CDS1: variants seen among roughly 807,000 people sequenced by gnomAD.
CDS1 encodes CDP-diacylglycerol synthase 1, also known as phosphatidate cytidylyltransferase 1.
A neutral mutation model predicts 62.1 loss-of-function variants in CDS1; 41 were observed. That is an observed-to-expected ratio of 0.66 (90% CI 0.51 to 0.86). CDS1 has a LOEUF of 0.86. Among genes scored for constraint, CDS1 ranks in the 40% least tolerant of loss-of-function variants. The pLI is 0.00. For synonymous variants in CDS1, 185 were observed against 192.6 expected (o/e 0.96, Z 0.32); for missense variants, 470 against 550.1 (o/e 0.85, Z 1.46).
rs140440202 is a variant in CDS1, at chr4:84,634,133, A to G, written c.722+194A>G. Reference sequence around the variant, plus strand: ...AATGCTTCATTAACAACTGGATACCATTCTTATTCAAGTTCCAAATATAGG... The same window carrying G: ...AATGCTTCATTAACAACTGGATACCGTTCTTATTCAAGTTCCAAATATAGG... On this transcript the variant is annotated intron_variant, in intron 7 of 12. Coordinates refer to ENST00000295887, the MANE Select transcript of CDS1 (RefSeq NM_001263.4). 2.6e-4 allele frequency among the ~76,000 whole-genome samples: 40 copies of G among 152,322 alleles called. 1 individual carries two copies. The East Asian group carries it at 7.5e-3, about 29-fold the overall frequency.
intron 8 of CDS1, among the ~76,000 whole-genome samples, chr4:84,637,933 A>G (rs968998413): frequency 1.3e-5 from 2 of 152,186 alleles, no homozygotes; most frequent in African/African-American, 4.8e-5. Context: ...CAGAATTGTT[A>G]TCAGATTTGT....
At position 84,649,578 on chromosome 4, in the gene CDS1, G is replaced by A. The variant is rs114716640; in HGVS notation, c.*892G>A. On this transcript the variant is annotated 3_prime_UTR_variant, in exon 13 of 13. Coordinates refer to ENST00000295887, the MANE Select transcript of CDS1 (RefSeq NM_001263.4). The stretch of plus-strand genomic sequence containing the variant: ...CCATGGTTCTGTAGGGTAGTGAGTC[G>A]GGGTTGTGGCTGCAGCAGAGCAGGA... 0.021 allele frequency: 3,145 copies of A among 152,450 alleles called. 61 individuals are homozygous for A. The highest frequency in any genetic ancestry group is 0.11 in the South Asian group (536 of 4,818). The allele number at this position is 152,450 out of a possible 1,614,324, so 9.4% of individuals were successfully genotyped here.
At chr4:84,613,947 T>C (rs1048440813) in intron 3 of CDS1, among the ~76,000 whole-genome samples, 2 of 152,160 alleles carry the variant, frequency 1.3e-5, no homozygotes, top group African/African-American at 4.8e-5. Context: ...CTTTGGAAAA[T>C]AGATAATTAA....
chr4:84,596,576 C>G (rs1178123743), intron 1 of CDS1, among the ~76,000 whole-genome samples: 4 of 152,198 alleles, frequency 2.6e-5, no homozygotes, highest in Admixed American at 2.6e-4. Context: ...TTAGACTCAC[C>G]TGTATAATCC....
chr4:84,595,294 G>A (rs751398696), intron 1 of CDS1, among the ~76,000 whole-genome samples: 14 of 152,260 alleles, frequency 9.2e-5, no homozygotes, highest in Admixed American at 3.3e-4. Flanking sequence ...CTGTCCTATC[G>A]TGGCTGGAAC....
intron 1 of CDS1, among the ~76,000 whole-genome samples, chr4:84,597,271 T>A (rs1722780349): frequency 6.6e-6 from 1 of 152,238 alleles, no homozygotes; most frequent in South Asian, 2.1e-4. Flanking sequence ...ATAAGGAGGC[T>A]TTATCAATTA....
At chr4:84,587,804 C>A (rs760839771) in intron 1 of CDS1, among the ~76,000 whole-genome samples, 2 of 152,032 alleles carry the variant, frequency 1.3e-5, no homozygotes, top group Non-Finnish European at 2.9e-5. Context: ...GCTTATATAC[C>A]ATCTTGAGGC....
intron 3 of CDS1, among the ~76,000 whole-genome samples, chr4:84,610,168 G>C (rs1242964527): frequency 1.3e-5 from 2 of 152,188 alleles, no homozygotes; most frequent in African/African-American, 2.4e-5. Context: ...TTCTATGATA[G>C]AACATGTTAG....
intron 5 of CDS1, 51 bp downstream of exon 5, chr4:84,619,584 T>C (rs1723611282): frequency 1.8e-6 from 2 of 1,087,446 alleles, no homozygotes; most frequent in Non-Finnish European, 2.5e-6. Context: ...ATTTTCCATG[T>C]TTATTTTTAT....
intron 1 of CDS1, among the ~76,000 whole-genome samples, chr4:84,583,774 T>C (rs975434619): frequency 1.3e-5 from 2 of 152,172 alleles, no homozygotes; most frequent in African/African-American, 4.8e-5. Flanking sequence ...GCTTACAGTT[T>C]AGCTTCATCC....
At chr4:84,635,621 GCCTGCCTTCCTT>G (rs1724168540) in intron 8 of CDS1, among the ~76,000 whole-genome samples, 48 of 84,740 alleles carry the variant, frequency 5.7e-4, no homozygotes, top group Admixed American at 7.5e-4. Flanking sequence ...CTGCCTGCCT[GCCTGCCTTCCTT>G]CCTTCCTTCC....
At chr4:84,630,820 G>T (rs2148654633) in intron 5 of CDS1, among the ~76,000 whole-genome samples, 1 of 152,038 alleles carries the variant, frequency 6.6e-6, no homozygotes, top group South Asian at 2.1e-4. Flanking sequence ...GAAAAAAAAA[G>T]GATGTTGCAG....
At chr4:84,597,741 G>C (rs1191147295) in intron 1 of CDS1, among the ~76,000 whole-genome samples, 1 of 152,148 alleles carries the variant, frequency 6.6e-6, no homozygotes, top group African/African-American at 2.4e-5. Context: ...AATTAAATCA[G>C]TTTAGTCCTT....
At chr4:84,645,879 AG>A (rs1724543789) in intron 12 of CDS1, among the ~76,000 whole-genome samples, 1 of 152,168 alleles carries the variant, frequency 6.6e-6, no homozygotes, top group Admixed American at 6.5e-5. Context: ...AAGCAGGCCG[AG>A]GGGATCATGC....
At chr4:84,586,468 G>A (rs1317880947) in intron 1 of CDS1, among the ~76,000 whole-genome samples, 2 of 152,066 alleles carry the variant, frequency 1.3e-5, no homozygotes, top group South Asian at 2.1e-4. Flanking sequence ...TAGATCCCTC[G>A]CATGTGCAGT....
At chr4:84,630,212 T>C (rs934658449) in intron 5 of CDS1, among the ~76,000 whole-genome samples, 49 of 152,182 alleles carry the variant, frequency 3.2e-4, no homozygotes, top group African/African-American at 1.2e-3. Flanking sequence ...CAATTGGTAA[T>C]TTTGATGCCA....
intron 2 of CDS1, among the ~76,000 whole-genome samples, chr4:84,604,767 TTTC>T (rs1360018383): frequency 6.6e-6 from 1 of 152,170 alleles, no homozygotes; most frequent in African/African-American, 2.4e-5. Context: ...TAGGTATTTT[TTTC>T]TTTTTTCTTT....
intron 1 of CDS1, among the ~76,000 whole-genome samples, chr4:84,592,294 C>T (rs1434237987): frequency 2.0e-5 from 3 of 151,780 alleles, no homozygotes; most frequent in Non-Finnish European, 4.4e-5. Context: ...ACCTCAGCCT[C>T]CCAAGTAGCT....
At position 84,588,243 on chromosome 4, in the gene CDS1, G is replaced by A. The variant is rs988771533; in HGVS notation, c.117+4725G>A. On this transcript the variant is annotated intron_variant, in intron 1 of 12. Transcript: ENST00000295887. ...TGTTTGTGCATGGGGCTGCTACTTA[G>A]GGATTTTGGTTTGTGAAGTTGAGGA... Among the ~76,000 whole-genome samples the A allele has an allele frequency of 2.0e-5, 3 of 152,156 alleles. No individual in the cohort carries two copies. In the East Asian group the frequency reaches 5.8e-4, roughly 29 times the overall value.
Sources: allele counts gnomAD v4.1 joint callset (sites outside exome capture counted in the v4.1 genomes callset), GRCh38; gene constraint gnomAD v4.1.1; transcripts MANE v1.5; gene names NCBI Gene and HGNC (gene_info 2026-07-23, HGNC 2026-07-21).